ZNF98: variants seen among roughly 807,000 people sequenced by gnomAD.
ZNF98 encodes the protein zinc finger protein 739.
ZNF98 carries 8 observed loss-of-function variants against 12.8 expected under a neutral mutation model. The ratio of observed to expected loss-of-function variants is 0.63; its 90% CI spans 0.37 to 1.13. The LOEUF (loss-of-function observed/expected upper bound fraction) is 1.13, where lower values mean the gene tolerates loss of function less well. ZNF98 is among the 50% of genes most tolerant of loss of function. The pLI is 0.01. For synonymous variants in ZNF98, 112 were observed against 223.5 expected (o/e 0.50, Z 4.45); for missense variants, 379 against 666.1 (o/e 0.57, Z 4.74).
At chr19:22,397,180 G>A (rs752808460) in intron 3 of ZNF98, among the ~76,000 whole-genome samples, 25 of 143,308 alleles carry the variant, frequency 1.7e-4, no homozygotes, top group Non-Finnish European at 3.5e-4. Flanking sequence ...TGACAAATCT[G>A]TATGTACATC....
chr19:22,392,206 A>G lies in ZNF98; in HGVS notation c.1029T>C (p.Ile343=). 6.2e-7 allele frequency: 1 copy of G among 1,605,914 alleles called. No individual in the cohort carries two copies. Among genetic ancestry groups the G allele is most frequent in the East Asian group, 2.2e-5 (1 of 44,502 alleles). Residue 343 remains isoleucine, a synonymous_variant, in exon 4 of 4, where the codon ATT becomes ATC. Coordinates refer to ENST00000357774, the MANE Select transcript of ZNF98 (RefSeq NM_001098626.2). ...ATTTGTAGAATTTCTCTCCAGTATG[A>G]ATTATCTTATGTGTAGTAAGGGTTG... The part of the protein sequence containing the change: ...QSSTLTTHKI[I]HTGEKFYKCE...
At chr19:22,411,849 C>T (rs1969584079) in intron 1 of ZNF98, among the ~76,000 whole-genome samples, 1 of 152,106 alleles carries the variant, frequency 6.6e-6, no homozygotes, top group Non-Finnish European at 1.5e-5. Context: ...GAATTGTGAA[C>T]TTGAAAGAAT....
At chr19:22,396,326 A>G (rs1224212963) in intron 3 of ZNF98, among the ~76,000 whole-genome samples, 1 of 151,774 alleles carries the variant, frequency 6.6e-6, no homozygotes, top group Non-Finnish European at 1.5e-5. Context: ...TTAAAACTAT[A>G]CTGTTGTTTC....
At chr19:22,402,966 T>C in intron 2 of ZNF98, 82 bp from the exon 3 acceptor site, 1 of 1,329,496 alleles carries the variant, frequency 7.5e-7, no homozygotes, top group Non-Finnish European at 1.0e-6. Context: ...AAGGATGTAA[T>C]AGAATATTCT....
chr19:22,414,127 C>T (rs866372828), intron 1 of ZNF98, among the ~76,000 whole-genome samples: 14 of 147,146 alleles, frequency 9.5e-5, no homozygotes, highest in African/African-American at 3.3e-4. Context: ...CTCAGCTACT[C>T]GGGAAGCTGA....
chr19:22,407,799 G>C (rs145198774), intron 1 of ZNF98, among the ~76,000 whole-genome samples: 1 of 151,874 alleles, frequency 6.6e-6, no homozygotes, highest in Non-Finnish European at 1.5e-5. Context: ...GGTCGGGCGC[G>C]GTAGCTCACG....
At chr19:22,396,155 T>C (rs1331171422) in intron 3 of ZNF98, among the ~76,000 whole-genome samples, 3 of 152,182 alleles carry the variant, frequency 2.0e-5, no homozygotes, top group East Asian at 3.8e-4. Flanking sequence ...GAAAACATTT[T>C]AAATTATCTC....
intron 1 of ZNF98, among the ~76,000 whole-genome samples, chr19:22,415,104 A>G (rs1213684271): frequency 6.6e-6 from 1 of 151,604 alleles, no homozygotes; most frequent in Non-Finnish European, 1.5e-5. Context: ...GAAGACACAC[A>G]TGTGGCTAAC....
intron 1 of ZNF98, among the ~76,000 whole-genome samples, chr19:22,403,973 C>G (rs1969490375): frequency 6.6e-6 from 1 of 152,378 alleles, no homozygotes; most frequent in Middle Eastern, 3.4e-3. Context: ...GTAATCCCAG[C>G]ACTTTGGGAG....
chr19:22,421,958 G>A (rs1297017634), intron 1 of ZNF98, among the ~76,000 whole-genome samples: 6 of 152,190 alleles, frequency 3.9e-5, no homozygotes, highest in Non-Finnish European at 5.9e-5. Flanking sequence ...GCCCAGAGAG[G>A]GCTCCAGCTC....
chr19:22,404,609 G>A (rs187899760), intron 1 of ZNF98, among the ~76,000 whole-genome samples: 1 of 152,322 alleles, frequency 6.6e-6, no homozygotes, highest in African/African-American at 2.4e-5. Flanking sequence ...ATGTGCTGAT[G>A]CACACAGAAG....
chr19:22,422,120 C>G, intron 1 of ZNF98, 75 bp downstream of exon 1: 1 of 1,589,272 alleles, frequency 6.3e-7, no homozygotes, highest in Non-Finnish European at 8.6e-7. Flanking sequence ...AGGCCTGAGT[C>G]CCGCCACAGC....
intron 1 of ZNF98, among the ~76,000 whole-genome samples, chr19:22,418,154 G>A (rs1969665267): frequency 1.3e-5 from 2 of 151,842 alleles, no homozygotes; most frequent in Non-Finnish European, 2.9e-5. Flanking sequence ...CCTGATTCAG[G>A]GCTCATTTTC....
intron 3 of ZNF98, among the ~76,000 whole-genome samples, chr19:22,402,175 CAAAAAAAAAAAAA>C (rs869111485): frequency 1.3e-4 from 8 of 60,514 alleles, no homozygotes; most frequent in Admixed American, 1.2e-3. Context: ...GACTCCATCT[CAAAAAAAAAAAAA>C]AAAAAAAGAA....
rs529071457 is a variant in ZNF98, at chr19:22,395,850, G to A, written c.254-2869C>T. ...AAATTTTGCAGATCAGAAAGATACC[G>A]TGTGACACAAAGTCCTGAGGGGGGG... On this transcript the variant is annotated intron_variant, in intron 3 of 3. Coordinates refer to ENST00000357774, the MANE Select transcript of ZNF98 (RefSeq NM_001098626.2). Among the ~76,000 whole-genome samples, 10 of 145,658 alleles carry A rather than the reference G, an allele frequency of 6.9e-5. No homozygotes were observed. In the South Asian group the frequency reaches 1.5e-3, roughly 22 times the overall value.
At position 22,411,415 on chromosome 19, in the gene ZNF98, T is replaced by A. The variant is rs886620018; in HGVS notation, c.31-7903A>T. ...AAGTTTCTGTCAAAGGAACTTACTC[T>A]GTATCTTTTAGTCTTTATCATTCTG... is the stretch of plus-strand genomic sequence containing the variant. On this transcript the variant is annotated intron_variant, in intron 1 of 3. Coordinates refer to ENST00000357774, the MANE Select transcript of ZNF98 (RefSeq NM_001098626.2). Among the ~76,000 whole-genome samples the A allele has an allele frequency of 5.1e-4, 78 of 152,266 alleles. 6 individuals are homozygous for A. The highest frequency in any genetic ancestry group is 1.5e-5 in the Non-Finnish European group (1 of 68,042).
intron 1 of ZNF98, among the ~76,000 whole-genome samples, chr19:22,403,992 A>G (rs4024618): frequency 5.1e-4 from 75 of 147,500 alleles, no homozygotes; most frequent in East Asian, 1.8e-3. Flanking sequence ...AGGCTAAGGC[A>G]GGTGGATCAC....
rs539500472 is a variant in ZNF98, at chr19:22,418,039, G to A, written c.30+4156C>T. Among the ~76,000 whole-genome samples, 67 of 152,004 alleles carry A rather than the reference G, an allele frequency of 4.4e-4. 1 individual carries two copies. Among genetic ancestry groups the A allele is most frequent in the Admixed American group, 7.9e-4 (12 of 15,244 alleles). On this transcript the variant is annotated intron_variant, in intron 1 of 3. Transcript: ENST00000357774. The stretch of plus-strand genomic sequence containing the variant: ...AGGCCTCTGTGGTATCTTTTTTCTT[G>A]TACCAAATCTGTAGAGTTTGCTGAA...
intron 1 of ZNF98, among the ~76,000 whole-genome samples, chr19:22,415,484 A>G (rs1969629552): frequency 1.3e-5 from 2 of 152,178 alleles, no homozygotes; most frequent in South Asian, 4.1e-4. Flanking sequence ...TAAAGAAAAT[A>G]TGGTATGGCT....
Sources: gnomAD v4.1 joint callset for allele counts (sites outside exome capture counted in the v4.1 genomes callset) on GRCh38, gnomAD v4.1.1 for gene constraint, MANE v1.5 for transcripts, NCBI Gene and HGNC (gene_info 2026-07-23, HGNC 2026-07-21) for gene names.